The following TF variants were observed in gnomAD, a reference collection of about 807,000 sequenced individuals.
TF encodes transferrin.
A neutral mutation model predicts 82.4 loss-of-function variants in TF; 55 were observed. The observed-to-expected ratio is 0.67, with a 90% CI of 0.54 to 0.84. The LOEUF (loss-of-function observed/expected upper bound fraction) is 0.84, where lower values mean the gene tolerates loss of function less well. TF is among the 40% of genes least tolerant of loss of function. The probability of loss-of-function intolerance (pLI) is 0.00; values close to 1 mark genes in which losing one functional copy is unlikely to be tolerated. For missense variants in TF, 737 were observed against 868.4 expected (o/e 0.85, Z 1.90); for synonymous variants, 332 against 332.6 (o/e 1.00, Z 0.02).
the TF span, among the ~76,000 whole-genome samples, chr3:133,674,219 C>A: frequency 6.6e-6 from 1 of 152,208 alleles, no homozygotes; most frequent in African/African-American, 2.4e-5. Flanking sequence ...AGCTGCTGGG[C>A]TAGATGAGGG....
At chr3:133,686,073 A>G in the TF span, among the ~76,000 whole-genome samples, 2 of 152,310 alleles carry the variant, frequency 1.3e-5, no homozygotes, top group Admixed American at 6.5e-5. Context: ...TCTTTGACAA[A>G]CCTGACAAAA....
the TF span, among the ~76,000 whole-genome samples, chr3:133,716,647 C>T: frequency 2.6e-5 from 4 of 152,184 alleles, no homozygotes; most frequent in African/African-American, 7.2e-5. Flanking sequence ...TCTTGTCCCA[C>T]TCTCCTCCAC....
chr3:133,733,175 C>A, the TF span, among the ~76,000 whole-genome samples: 1 of 152,204 alleles, frequency 6.6e-6, no homozygotes, highest in Non-Finnish European at 1.5e-5. Flanking sequence ...AATTATTTGA[C>A]ACCTGTTGTC....
At chr3:133,745,916 C>A, upstream of TF, 1 of 177,482 alleles carries the variant, frequency 5.6e-6, no homozygotes, top group Non-Finnish European at 1.2e-5. Context: ...TGTCTTTGAC[C>A]TTGAGCCCAG....
At position 133,764,286 on chromosome 3, in the gene TF, G is replaced by T. The variant is rs1934070023; in HGVS notation, c.1297+11G>T. On this transcript the variant is annotated intron_variant, in intron 10 of 16. Transcript: ENST00000402696. ...CAGAAAACTACAATAGTAAGTGGTGGGGAGCACCTCTCTGTGTTTTCTTCC... is the reference window on the plus strand; with the variant it reads ...CAGAAAACTACAATAGTAAGTGGTGTGGAGCACCTCTCTGTGTTTTCTTCC... The T allele has an allele frequency of 6.2e-7, 1 of 1,606,312 alleles. No homozygotes were observed. The highest frequency in any genetic ancestry group is 1.1e-5 in the South Asian group (1 of 90,906).
the TF span, among the ~76,000 whole-genome samples, chr3:133,721,167 C>A: frequency 6.6e-6 from 1 of 151,812 alleles, no homozygotes; most frequent in Non-Finnish European, 1.5e-5. Context: ...TTTTCTAGTT[C>A]TTTGAGGTGC....
intron 9 of TF, 92 bp from the exon 10 acceptor site, chr3:133,764,090 C>A: frequency 9.2e-7 from 1 of 1,081,540 alleles, no homozygotes; most frequent in Non-Finnish European, 1.4e-6. Flanking sequence ...CATTCATGTG[C>A]TGGAAAGGCT....
the TF span, among the ~76,000 whole-genome samples, chr3:133,710,640 C>T: frequency 3.9e-5 from 6 of 152,178 alleles, no homozygotes; most frequent in Non-Finnish European, 8.8e-5. Context: ...CCTCCTCCCT[C>T]CGCAGCCAAT....
Position 133,764,898 on chromosome 3 carries a change from C to A in TF, c.1321C>A (p.Pro441Thr). The A allele has an allele frequency of 1.2e-6, 2 of 1,613,928 alleles. No individual in the cohort carries two copies. The highest frequency in any genetic ancestry group is 8.5e-7 in the Non-Finnish European group (1 of 1,179,834). ...AGAGAGCGATAATTGTGAGGATACA[C>A]CAGAGGCAGGTGAGTTTGAATTGGT... ...YNKSDNCEDTPEAGYFAIAVV... is the reference protein window; with the variant it reads ...YNKSDNCEDTTEAGYFAIAVV... Residue 441 changes from proline (P) to threonine (T), a missense_variant, in exon 11 of 17, where the codon CCA becomes ACA. Transcript: ENST00000402696.
At chr3:133,672,650 C>G in the TF span, among the ~76,000 whole-genome samples, 17 of 150,542 alleles carry the variant, frequency 1.1e-4, no homozygotes, top group East Asian at 3.1e-3. Context: ...TCACTTGAGC[C>G]TAGGAGGTGG....
At chr3:133,716,085 C>G in the TF span, among the ~76,000 whole-genome samples, 1 of 152,216 alleles carries the variant, frequency 6.6e-6, no homozygotes, top group Admixed American at 6.5e-5. Context: ...CACTGCACCT[C>G]AGTCTCTTTT....
chr3:133,728,508 C>T, the TF span, among the ~76,000 whole-genome samples: 2 of 152,262 alleles, frequency 1.3e-5, no homozygotes, highest in South Asian at 2.1e-4. Flanking sequence ...GCTCCATCAG[C>T]TCCTTTAAGC....
At chr3:133,674,806 C>T in the TF span, among the ~76,000 whole-genome samples, 1 of 152,146 alleles carries the variant, frequency 6.6e-6, no homozygotes, top group African/African-American at 2.4e-5. Flanking sequence ...GCTTTCTCCA[C>T]GCCGGCGCAC....
chr3:133,680,983 G>A, the TF span, among the ~76,000 whole-genome samples: 12 of 152,234 alleles, frequency 7.9e-5, no homozygotes, highest in South Asian at 2.5e-3. Context: ...GACATATGGG[G>A]GCTCAGCCAA....
Position 133,764,867 on chromosome 3 carries a change from T to C in TF, c.1298-8T>C. 6.2e-7 allele frequency: 1 copy of C among 1,613,974 alleles called. No individual in the cohort carries two copies. The highest frequency in any genetic ancestry group is 8.5e-7 in the Non-Finnish European group (1 of 1,179,856). ...TTAATGCCTTTTTCATTTTCTTTTCTCCTGCAGAGAGCGATAATTGTGAGG... is the reference window on the plus strand; with the variant it reads ...TTAATGCCTTTTTCATTTTCTTTTCCCCTGCAGAGAGCGATAATTGTGAGG... On this transcript the variant is annotated splice_region_variant and splice_polypyrimidine_tract_variant and intron_variant, in intron 10 of 16. Coordinates refer to ENST00000402696, the MANE Select transcript of TF (RefSeq NM_001063.4).
chr3:133,768,312 A>G, intron 13 of TF, 148 bp downstream of exon 13: 1 of 1,125,438 alleles, frequency 8.9e-7, no homozygotes. Flanking sequence ...ATAGAGCCAC[A>G]TGGGGAGGGG....
At chr3:133,720,809 T>C in the TF span, among the ~76,000 whole-genome samples, 12 of 152,114 alleles carry the variant, frequency 7.9e-5, no homozygotes, top group Non-Finnish European at 1.0e-4. Flanking sequence ...CTATTTCTTC[T>C]TAATTTAATC....
At chr3:133,678,102 C>T in the TF span, among the ~76,000 whole-genome samples, 1 of 152,136 alleles carries the variant, frequency 6.6e-6, no homozygotes, top group Non-Finnish European at 1.5e-5. Flanking sequence ...TGAGTGAGAA[C>T]ATGTGGTATT....
chr3:133,681,277 C>T, the TF span, among the ~76,000 whole-genome samples: 12,444 of 152,204 alleles, frequency 0.082, 526 homozygotes, highest in Middle Eastern at 0.14. Flanking sequence ...GCGTGAGCTA[C>T]GCAGAAGACA....
Sources: gnomAD v4.1 joint callset for allele counts (sites outside exome capture counted in the v4.1 genomes callset) on GRCh38, gnomAD v4.1.1 for gene constraint, MANE v1.5 for transcripts, NCBI Gene and HGNC (gene_info 2026-07-23, HGNC 2026-07-21) for gene names.